The following PTBP2 variants were observed in gnomAD, a reference collection of about 807,000 sequenced individuals.
PTBP2 encodes the protein polypyrimidine tract-binding protein 2.
In PTBP2, 13 loss-of-function variants were observed where a neutral mutation model predicts 61.4. The observed-to-expected ratio is 0.21, with a 90% CI of 0.14 to 0.34. The LOEUF is 0.34. PTBP2 is among the 10% of genes least tolerant of loss of function. The pLI is 1.00. For synonymous variants in PTBP2, 215 were observed against 218.5 expected (o/e 0.98, Z 0.14); for missense variants, 405 against 642.6 (o/e 0.63, Z 4.00).
rs1401737673 is a variant in PTBP2 at position 96,780,774 on chromosome 1, A to G, written c.708+2828A>G. On this transcript the variant is annotated intron_variant, in intron 7 of 13. Transcript: ENST00000674951. ...CTCAGACCTCTCCTAAGAGACCCAC[A>G]CTAAGAACCTGGCGGACTAATGAAT... Among the ~76,000 whole-genome samples the G allele has an allele frequency of 2.6e-5, 4 of 152,122 alleles. No homozygotes were observed. The East Asian group carries it at 7.7e-4, about 29-fold the overall frequency.
intron 9 of PTBP2, among the ~76,000 whole-genome samples, 190 bp downstream of exon 9, chr1:96,805,129 A>G (rs1472981491): frequency 2.6e-5 from 4 of 152,000 alleles, no homozygotes; most frequent in Non-Finnish European, 5.9e-5. Context: ...TTAAACAGTC[A>G]TGTCTCTTTA....
chr1:96,777,517 G>A (rs1658173069), intron 5 of PTBP2, 68 bp from the exon 6 acceptor site: 7 of 1,375,940 alleles, frequency 5.1e-6, no homozygotes, highest in Non-Finnish European at 6.9e-6. Context: ...TGAACTAGTA[G>A]TGTAACAGGT....
intron 8 of PTBP2, among the ~76,000 whole-genome samples, chr1:96,787,222 A>G (rs961946958): frequency 6.6e-6 from 1 of 151,894 alleles, no homozygotes; most frequent in Non-Finnish European, 1.5e-5. Context: ...AGATTTCACC[A>G]TGTTGGCCAG....
Position 96,764,404 on chromosome 1 carries a change from A to G in PTBP2, c.116-5299A>G, listed in dbSNP as rs369771463. 1.6e-4 allele frequency among the ~76,000 whole-genome samples: 25 copies of G among 152,322 alleles called. No homozygotes were observed. In the East Asian group the frequency reaches 3.5e-3, roughly 21 times the overall value. The stretch of plus-strand genomic sequence containing the variant: ...TATTTAGCAGTGACTATGAGGCTTG[A>G]CAATTCTAAGGTACAGTCTCTTTAA... On this transcript the variant is annotated intron_variant, in intron 3 of 13. Transcript: ENST00000674951.
chr1:96,806,392 G>A (rs1197243673), intron 9 of PTBP2, 27 bp from the exon 10 acceptor site: 13 of 1,522,778 alleles, frequency 8.5e-6, no homozygotes, highest in Non-Finnish European at 1.1e-5. Context: ...CTTGTCTTAC[G>A]CTGCTTGCTC....
At position 96,762,709 on chromosome 1, in the gene PTBP2, C is replaced by G. The variant is rs1656114543; in HGVS notation, c.116-6994C>G. 2.0e-5 allele frequency among the ~76,000 whole-genome samples: 3 copies of G among 150,238 alleles called. 1 individual carries two copies. Among genetic ancestry groups the G allele is most frequent in the Non-Finnish European group, 4.4e-5 (3 of 67,570 alleles). On this transcript the variant is annotated intron_variant, in intron 3 of 13. Coordinates refer to ENST00000674951, the MANE Select transcript of PTBP2 (RefSeq NM_021190.4). ...CTCCCTCCTGGATGGGGCGGCTGGC[C>G]TGGCGGGGGCTGACCCCCACCTCCC... is the stretch of plus-strand genomic sequence containing the variant.
chr1:96,769,437 G>C (rs150514105), intron 3 of PTBP2, among the ~76,000 whole-genome samples: 57 of 152,014 alleles, frequency 3.7e-4, no homozygotes, highest in African/African-American at 1.3e-3. Flanking sequence ...TTTTAATGTT[G>C]TTGCTTATTA....
chr1:96,727,794 C>T (rs11165706), intron 2 of PTBP2, among the ~76,000 whole-genome samples: 44,309 of 151,814 alleles, frequency 0.29, 7,203 homozygotes, highest in East Asian at 0.44. Context: ...CTTTATCAGC[C>T]ATAAGGCCTG....
intron 7 of PTBP2, among the ~76,000 whole-genome samples, chr1:96,784,356 T>C (rs892813996): frequency 6.6e-6 from 1 of 152,084 alleles, no homozygotes; most frequent in African/African-American, 2.4e-5. Flanking sequence ...GATTAAGAAA[T>C]TGAGATTCAG....
In PTBP2 at chr1:96,813,661, C is replaced by CT. The variant is rs66475516; in HGVS notation, c.*277dup. On this transcript the variant is annotated 3_prime_UTR_variant, in exon 14 of 14. Coordinates refer to ENST00000674951, the MANE Select transcript of PTBP2 (RefSeq NM_021190.4). ...TGTTTAAAATTTCAGTTTAATTTTG[C>CT]TTTTTTTTTTTTTTTTTTTTTCCTT... 25,171 of 120,884 alleles carry CT rather than the reference C, an allele frequency of 0.21. 3,175 individuals carry two copies. Among genetic ancestry groups the CT allele is most frequent in the Non-Finnish European group, 0.22 (14,558 of 65,900 alleles). 7.5% of individuals were successfully genotyped at this position (120,884 alleles called of 1,614,324 possible). A position where few individuals can be genotyped will look rare whatever the true frequency, so the allele number is the denominator to read the frequency against.
exon 14 of PTBP2, chr1:96,820,775 A>G (rs1180542502): frequency 6.6e-6 from 1 of 152,058 alleles, no homozygotes; most frequent in African/African-American, 2.4e-5. Flanking sequence ...AATTAATTCT[A>G]TCCTTTTTAG....
At chr1:96,751,329 C>T in intron 2 of PTBP2, 96 bp from the exon 3 acceptor site, 1 of 959,208 alleles carries the variant, frequency 1.0e-6, no homozygotes. Flanking sequence ...TTAACTATTC[C>T]CAATAGTGTA....
At chr1:96,726,500 C>T (rs1231269960) in intron 2 of PTBP2, among the ~76,000 whole-genome samples, 2 of 148,394 alleles carry the variant, frequency 1.3e-5, no homozygotes, top group African/African-American at 2.5e-5. Context: ...TGCAGTGTCG[C>T]GATCTCTGCT....
At chr1:96,782,198 A>G (rs752807508) in intron 7 of PTBP2, among the ~76,000 whole-genome samples, 2 of 151,972 alleles carry the variant, frequency 1.3e-5, no homozygotes, top group South Asian at 4.1e-4. Flanking sequence ...ACTGGACAGT[A>G]TATTGTGTCT....
At chr1:96,771,274 A>G in intron 5 of PTBP2, 1 of 155,368 alleles carries the variant, frequency 6.4e-6, no homozygotes, top group Non-Finnish European at 1.4e-5. Context: ...AGGATGAAGA[A>G]TATGTGAATG....
intron 3 of PTBP2, among the ~76,000 whole-genome samples, chr1:96,762,406 C>T (rs1421353851): frequency 4.0e-5 from 6 of 148,330 alleles, no homozygotes; most frequent in South Asian, 2.1e-4. Context: ...CTGACCCCCC[C>T]ACCTCCCTCC....
Position 96,774,753 on chromosome 1 carries a change from C to CT in PTBP2, c.433-2829dup, listed in dbSNP as rs370018007. The stretch of plus-strand genomic sequence containing the variant: ...TCTCGCTAGTACAGCCAGTACGTAT[C>CT]TTTCTCAAATGCACATATCTAAGTT... On this transcript the variant is annotated intron_variant, in intron 5 of 13. Coordinates refer to ENST00000674951, the MANE Select transcript of PTBP2 (RefSeq NM_021190.4). 8.5e-5 allele frequency among the ~76,000 whole-genome samples: 13 copies of CT among 152,254 alleles called. 1 individual carries two copies. Among genetic ancestry groups the CT allele is most frequent in the African/African-American group, 3.1e-4 (13 of 41,524 alleles).
At chr1:96,744,886 A>C (rs1305144088) in intron 2 of PTBP2, among the ~76,000 whole-genome samples, 1 of 152,162 alleles carries the variant, frequency 6.6e-6, no homozygotes, top group Non-Finnish European at 1.5e-5. Context: ...GTCTTATTTA[A>C]ACGTTCTGAT....
chr1:96,738,273 T>C (rs993101283), intron 2 of PTBP2, among the ~76,000 whole-genome samples: 1 of 152,054 alleles, frequency 6.6e-6, no homozygotes. Context: ...TTTGGTTTGA[T>C]TGAATTAATA....
Sources: allele counts gnomAD v4.1 joint callset (sites outside exome capture counted in the v4.1 genomes callset), GRCh38; gene constraint gnomAD v4.1.1; transcripts MANE v1.5; gene names NCBI Gene and HGNC (gene_info 2026-07-23, HGNC 2026-07-21).